JMJD1C: variants seen among roughly 807,000 people sequenced by gnomAD.
The protein encoded by JMJD1C is jumonji domain containing 1C.
JMJD1C carries 31 observed loss-of-function variants against 245.3 expected under a neutral mutation model. The ratio of observed to expected loss-of-function variants is 0.13; its 90% confidence interval spans 0.09 to 0.17. The LOEUF is 0.17. Ranked by LOEUF, JMJD1C falls within the 10% of genes least tolerant of loss-of-function variation. JMJD1C has a pLI of 1.00. For synonymous variants in JMJD1C, 1,057 were observed against 1,017.4 expected (o/e 1.04, Z -0.74); for missense variants, 2,691 against 3,000.2 (o/e 0.90, Z 2.41).
chr10:63,320,154 C>T (rs1940669953), intron 2 of JMJD1C, among the ~76,000 whole-genome samples: 1 of 152,338 alleles, frequency 6.6e-6, no homozygotes. Context: ...GATTCGCCTA[C>T]CTCAGCTTTC....
chr10:63,322,324 A>G (rs1295609817), intron 2 of JMJD1C, among the ~76,000 whole-genome samples: 1 of 152,196 alleles, frequency 6.6e-6, no homozygotes, highest in East Asian at 1.9e-4. Context: ...AGATTTCTAC[A>G]AAGACAAAAT....
intron 2 of JMJD1C, among the ~76,000 whole-genome samples, chr10:63,330,580 A>C (rs1301715823): frequency 6.6e-6 from 1 of 152,116 alleles, no homozygotes; most frequent in African/African-American, 2.4e-5. Context: ...TCTTCCTCTT[A>C]ATGTTCACAT....
chr10:63,495,017 T>C (rs186823274), intron 1 of JMJD1C, among the ~76,000 whole-genome samples: 2 of 152,356 alleles, frequency 1.3e-5, no homozygotes, highest in African/African-American at 2.4e-5. Flanking sequence ...TTAGTATTTA[T>C]AATGCTGTAC....
intron 2 of JMJD1C, among the ~76,000 whole-genome samples, chr10:63,301,223 C>A (rs963680126): frequency 2.0e-5 from 3 of 152,144 alleles, no homozygotes; most frequent in African/African-American, 7.2e-5. Context: ...CCATATCGTC[C>A]AGACTGGTCT....
intron 2 of JMJD1C, among the ~76,000 whole-genome samples, chr10:63,287,811 C>T (rs764421881): frequency 4.6e-5 from 7 of 151,800 alleles, no homozygotes; most frequent in South Asian, 2.1e-4. Flanking sequence ...TGCAATGGTA[C>T]GGTCTTGGCT....
chr10:63,197,669 T>C (rs924721058), intron 12 of JMJD1C, 106 bp from the exon 13 acceptor site: 1 of 1,015,046 alleles, frequency 9.9e-7, no homozygotes, highest in African/African-American at 1.7e-5. Context: ...AACCAAGAAC[T>C]TTCAAGGCTA....
At chr10:63,428,098 C>A (rs1186078178) in intron 1 of JMJD1C, among the ~76,000 whole-genome samples, 1 of 152,098 alleles carries the variant, frequency 6.6e-6, no homozygotes, top group Non-Finnish European at 1.5e-5. Flanking sequence ...TGATCAATTA[C>A]TTTACCAAAC....
intron 2 of JMJD1C, among the ~76,000 whole-genome samples, chr10:63,291,369 C>T (rs1217080697): frequency 2.1e-5 from 3 of 142,806 alleles, no homozygotes; most frequent in Admixed American, 7.1e-5. Flanking sequence ...GTAATCCCAA[C>T]ACTTTGGGAG....
At chr10:63,174,355 T>TA (rs912226209) in intron 24 of JMJD1C, among the ~76,000 whole-genome samples, 3 of 151,530 alleles carry the variant, frequency 2.0e-5, no homozygotes, top group African/African-American at 7.3e-5. Flanking sequence ...TACCCAGCAA[T>TA]AAAAAAAGAA....
chr10:63,501,235 T>A (rs1589833108), intron 1 of JMJD1C, among the ~76,000 whole-genome samples: 1 of 152,248 alleles, frequency 6.6e-6, no homozygotes, highest in Admixed American at 6.5e-5. Flanking sequence ...TACAATACTT[T>A]AGTTATATGA....
At chr10:63,490,600 G>GA (rs1954141704) in intron 1 of JMJD1C, among the ~76,000 whole-genome samples, 1 of 151,964 alleles carries the variant, frequency 6.6e-6, no homozygotes, top group African/African-American at 2.4e-5. Flanking sequence ...ATTTTTAATA[G>GA]AGACGGGGTT....
At chr10:63,238,849 T>C (rs1281571546) in intron 3 of JMJD1C, among the ~76,000 whole-genome samples, 2 of 152,228 alleles carry the variant, frequency 1.3e-5, no homozygotes, top group Non-Finnish European at 2.9e-5. Context: ...TTTGAACACC[T>C]GGTATCAATT....
rs535184148 is a variant in JMJD1C at position 63,505,129 on chromosome 10, G to A, written n.113+16609C>T. On this transcript the variant is annotated intron_variant and non_coding_transcript_variant, in intron 1 of 3. Transcript: ENST00000633035. ...AGATCGAGACCATCCTGGCTAACAC[G>A]GTGAAACCCCGTCTCTATTAAAAAT... Among the ~76,000 whole-genome samples the A allele has an allele frequency of 4.9e-4, 74 of 152,084 alleles. 1 individual carries two copies. Among genetic ancestry groups the A allele is most frequent in the Admixed American group, 4.2e-3 (64 of 15,266 alleles).
chr10:63,241,023 T>A (rs1008453682), intron 3 of JMJD1C, among the ~76,000 whole-genome samples: 2 of 152,210 alleles, frequency 1.3e-5, no homozygotes, highest in African/African-American at 4.8e-5. Context: ...GATACTCTTA[T>A]CATTCCTGGT....
At chr10:63,286,216 G>T (rs192964960) in intron 2 of JMJD1C, among the ~76,000 whole-genome samples, 78 of 152,266 alleles carry the variant, frequency 5.1e-4, no homozygotes, top group African/African-American at 1.7e-3. Context: ...AGAAACATGA[G>T]ACACACACTA....
At chr10:63,451,619 G>C (rs1241875651) in intron 1 of JMJD1C, among the ~76,000 whole-genome samples, 1 of 152,150 alleles carries the variant, frequency 6.6e-6, no homozygotes, top group East Asian at 1.9e-4. Context: ...GTATTCTAGA[G>C]ATGACTGAAC....
At chr10:63,415,425 A>G (rs1308952514) in intron 1 of JMJD1C, among the ~76,000 whole-genome samples, 1 of 152,232 alleles carries the variant, frequency 6.6e-6, no homozygotes, top group Non-Finnish European at 1.5e-5. Context: ...ATATCAAAAT[A>G]TGAAACTAGT....
At chr10:63,394,696 C>A (rs1948339875) in intron 1 of JMJD1C, among the ~76,000 whole-genome samples, 1 of 151,946 alleles carries the variant, frequency 6.6e-6, no homozygotes. Flanking sequence ...AATACAAAAT[C>A]AGTCAGGCTT....
At chr10:63,397,077 T>G (rs572012926) in intron 1 of JMJD1C, among the ~76,000 whole-genome samples, 1 of 152,162 alleles carries the variant, frequency 6.6e-6, no homozygotes, top group Non-Finnish European at 1.5e-5. Flanking sequence ...ATTAATGGAT[T>G]GAATTTTTCC....
Sources: allele counts gnomAD v4.1 joint callset (sites outside exome capture counted in the v4.1 genomes callset), GRCh38; gene constraint gnomAD v4.1.1; transcripts MANE v1.5; gene names NCBI Gene and HGNC (gene_info 2026-07-23, HGNC 2026-07-21).